Variants in PLAC1 observed in about 807,000 individuals in gnomAD.
The protein encoded by PLAC1 is placenta associated 1.
For missense variants in PLAC1, 136 were observed against 163.2 expected, an observed-to-expected ratio of 0.83 and a Z score of 0.91; for synonymous variants, 68 against 62.1, an observed-to-expected ratio of 1.09 and a Z score of -0.44.
chrX:134,698,806 T>C (rs1230188397), intron 2 of PLAC1, among the ~76,000 whole-genome samples: 1 of 111,581 alleles, frequency 9.0e-6, no homozygotes, highest in Non-Finnish European at 1.9e-5. Flanking sequence ...AAATATCTGC[T>C]TGGATAGCTG....
rs550637164 is a variant in PLAC1, at chrX:134,586,234, C to T, written c.-59+15817G>A. ...CCTGCCCTGCTTTTGAAGCCCACAGCGAGGGGAGGAGGAGAGGGCATCTGG... is the reference window on the plus strand; with the variant it reads ...CCTGCCCTGCTTTTGAAGCCCACAGTGAGGGGAGGAGGAGAGGGCATCTGG... On this transcript the variant is annotated intron_variant, in intron 2 of 2. Coordinates refer to ENST00000359237, the MANE Select transcript of PLAC1 (RefSeq NM_021796.4). 1.3e-4 allele frequency among the ~76,000 whole-genome samples: 14 copies of T among 111,633 alleles called. No individual in the cohort carries two copies. In the South Asian group the frequency reaches 4.2e-3, roughly 33 times the overall value.
intron 2 of PLAC1, among the ~76,000 whole-genome samples, chrX:134,710,679 C>T (rs2078625508): frequency 9.0e-6 from 1 of 111,478 alleles, no homozygotes; most frequent in Non-Finnish European, 1.9e-5. Context: ...GGACTGATCT[C>T]AAGAACATAA....
At chrX:134,596,979 G>C (rs749298655) in intron 2 of PLAC1, among the ~76,000 whole-genome samples, 50 of 111,290 alleles carry the variant, frequency 4.5e-4, no homozygotes, top group Non-Finnish European at 7.5e-4. Flanking sequence ...ATATGTCTTA[G>C]TGTGGATTTC....
At chrX:134,671,388 T>C (rs933484562) in intron 2 of PLAC1, among the ~76,000 whole-genome samples, 3 of 111,472 alleles carry the variant, frequency 2.7e-5, no homozygotes, top group African/African-American at 6.5e-5. Flanking sequence ...TGTAAGTCAA[T>C]GTATGATGCG....
At chrX:134,602,471 T>G (rs917996642) in intron 1 of PLAC1, among the ~76,000 whole-genome samples, 5 of 112,587 alleles carry the variant, frequency 4.4e-5, no homozygotes, top group African/African-American at 1.6e-4. Flanking sequence ...AAGACCTACT[T>G]ACTATATAGT....
intron 2 of PLAC1, among the ~76,000 whole-genome samples, chrX:134,587,552 G>A (rs2124370148): frequency 9.1e-6 from 1 of 110,204 alleles, no homozygotes; most frequent in South Asian, 4.0e-4. Flanking sequence ...CTGCACTCCA[G>A]CCTGGGTGAC....
Position 134,727,583 on chromosome X carries a change from A to C in PLAC1, n.174+5852T>G, listed in dbSNP as rs758051560. Among the ~76,000 whole-genome samples the C allele has an allele frequency of 3.6e-5, 4 of 112,124 alleles. No individual in the cohort carries two copies. In the East Asian group the frequency reaches 1.1e-3, roughly 31 times the overall value. ...TTGCAAATTGTAGCTATGAGATAGG[A>C]CTGGCCAACTCTGGTAGAAGTTCAA... On this transcript the variant is annotated intron_variant and non_coding_transcript_variant, in intron 2 of 2. Coordinates refer to the PLAC1 transcript ENST00000466797.
At chrX:134,746,096 AAC>A (rs2078728451) in intron 1 of PLAC1, among the ~76,000 whole-genome samples, 1 of 112,481 alleles carries the variant, frequency 8.9e-6, no homozygotes, top group Non-Finnish European at 1.9e-5. Context: ...GGTTGAGGAT[AAC>A]ACACATTGAC....
intron 1 of PLAC1, among the ~76,000 whole-genome samples, chrX:134,737,130 T>C (rs1350783115): frequency 8.9e-6 from 1 of 112,571 alleles, no homozygotes; most frequent in East Asian, 2.8e-4. Flanking sequence ...TGTTAGTATT[T>C]TCATGCTGCG....
intron 1 of PLAC1, among the ~76,000 whole-genome samples, chrX:134,743,715 C>A (rs910955694): frequency 2.7e-5 from 3 of 111,280 alleles, no homozygotes; most frequent in African/African-American, 9.8e-5. Flanking sequence ...ATGTCACTCT[C>A]CGAAACAAGA....
intron 1 of PLAC1, among the ~76,000 whole-genome samples, chrX:134,651,921 A>G (rs1169634980): frequency 9.0e-6 from 1 of 110,802 alleles, no homozygotes; most frequent in Non-Finnish European, 1.9e-5. Flanking sequence ...GCTCACCTAG[A>G]GCCAAATACT....
chrX:134,641,200 C>T (rs1261133196), intron 1 of PLAC1, among the ~76,000 whole-genome samples: 5 of 110,978 alleles, frequency 4.5e-5, no homozygotes, highest in Non-Finnish European at 9.4e-5. Context: ...CTCCAGTGAG[C>T]TATGATCACA....
At chrX:134,710,053 A>G (rs1489254974) in intron 2 of PLAC1, among the ~76,000 whole-genome samples, 1 of 111,687 alleles carries the variant, frequency 9.0e-6, no homozygotes, top group African/African-American at 3.3e-5. Context: ...TAAGCCATAT[A>G]GTGGGAGAAG....
chrX:134,660,089 G>A (rs2078410456), upstream of PLAC1, among the ~76,000 whole-genome samples: 1 of 96,001 alleles, frequency 1.0e-5, no homozygotes, highest in African/African-American at 3.7e-5. Flanking sequence ...AAATAAGTAT[G>A]CTGAAAATGT....
chrX:134,704,875 C>T (rs1428757567), intron 2 of PLAC1, among the ~76,000 whole-genome samples: 3 of 101,533 alleles, frequency 3.0e-5, no homozygotes, highest in Non-Finnish European at 5.9e-5. Context: ...TGTCTGTAAT[C>T]CCAGCTACTC....
At chrX:134,572,615 AC>A (rs1272267409) in intron 2 of PLAC1, among the ~76,000 whole-genome samples, 1 of 111,911 alleles carries the variant, frequency 8.9e-6, no homozygotes, top group Non-Finnish European at 1.9e-5. Flanking sequence ...TTAAAATTAA[AC>A]TAAAAAGCAG....
intron 2 of PLAC1, among the ~76,000 whole-genome samples, chrX:134,699,287 C>T (rs1379932403): frequency 9.0e-6 from 1 of 111,284 alleles, no homozygotes; most frequent in African/African-American, 3.3e-5. Context: ...CAAAAAAGGG[C>T]TCGATAGAGG....
chrX:134,752,516 C>CT (rs746365001), intron 1 of PLAC1, among the ~76,000 whole-genome samples: 1 of 111,466 alleles, frequency 9.0e-6, no homozygotes, highest in Admixed American at 9.6e-5. Context: ...AAAGTCAAAA[C>CT]TTTTTTTTCT....
At chrX:134,725,759 C>T (rs1378815048) in intron 2 of PLAC1, among the ~76,000 whole-genome samples, 2 of 111,899 alleles carry the variant, frequency 1.8e-5, no homozygotes, top group Non-Finnish European at 3.8e-5. Flanking sequence ...TTGGGAGGCT[C>T]AGGTGGGCGG....
Sources: gnomAD v4.1 joint callset for allele counts (sites outside exome capture counted in the v4.1 genomes callset) on GRCh38, gnomAD v4.1.1 for gene constraint, MANE v1.5 for transcripts, NCBI Gene and HGNC (gene_info 2026-07-23, HGNC 2026-07-21) for gene names.